LYZL6: variants seen among roughly 807,000 people sequenced by gnomAD.
LYZL6 encodes the protein lysozyme-like protein 6.
In LYZL6, 21 loss-of-function variants were observed where a neutral mutation model predicts 15.0. The ratio of observed to expected loss-of-function variants is 1.40; its 90% CI spans 1.00 to 2.02. The LOEUF is 2.02. Ranked by LOEUF, LYZL6 falls within the 30% of genes most tolerant of loss-of-function variation. The probability of loss-of-function intolerance (pLI) is 0.00; values close to 1 mark genes in which losing one functional copy is unlikely to be tolerated. For synonymous variants in LYZL6, 72 were observed against 67.8 expected (o/e 1.06, Z -0.31); for missense variants, 173 against 180.5 (o/e 0.96, Z 0.24).
intron 2 of LYZL6, among the ~76,000 whole-genome samples, 191 bp from the exon 3 acceptor site, chr17:35,938,107 A>G (rs1387934958): frequency 6.6e-6 from 1 of 152,142 alleles, no homozygotes; most frequent in East Asian, 1.9e-4. Flanking sequence ...TCATAAGTAC[A>G]ATTACTCATC....
At chr17:35,939,190 T>A in intron 2 of LYZL6, 28 bp downstream of exon 2, 6 of 1,604,144 alleles carry the variant, frequency 3.7e-6, no homozygotes, top group Non-Finnish European at 5.1e-6. Context: ...AGAGGAGAAA[T>A]GGCTGGGGAG....
At position 35,934,623 on chromosome 17, in the gene LYZL6, G is replaced by C. The variant is rs2089353258; in HGVS notation, c.*173C>G. On this transcript the variant is annotated 3_prime_UTR_variant, in exon 5 of 5. Transcript: ENST00000615905. ...GAACCAGGGGACTGGGTCCAGATGG[G>C]AGTAAGGAGGAAGCCAAGAAAACCA... is the stretch of plus-strand genomic sequence containing the variant. The C allele has an allele frequency of 5.0e-6, 3 of 599,330 alleles. No individual in the cohort carries two copies. Among genetic ancestry groups the C allele is most frequent in the Non-Finnish European group, 8.8e-6 (3 of 341,444 alleles). The allele number at this position is 599,330 out of a possible 1,614,324, so 37.1% of individuals were successfully genotyped here. A position where few individuals can be genotyped will look rare whatever the true frequency, so the allele number is the denominator to read the frequency against.
At chr17:35,936,688 G>A in intron 4 of LYZL6, 67 bp downstream of exon 4, 1 of 1,390,194 alleles carries the variant, frequency 7.2e-7, no homozygotes, top group Non-Finnish European at 1.0e-6. Context: ...CTTGCCTACT[G>A]CCCTTTTCTC....
Position 35,937,924 on chromosome 17 carries a change from T to G in LYZL6, c.140-8A>C, listed in dbSNP as rs1205309809. 2.5e-6 allele frequency: 4 copies of G among 1,611,848 alleles called. No homozygotes were observed. In the African/African-American group the frequency reaches 5.4e-5, roughly 22 times the overall value. On this transcript the variant is annotated splice_region_variant and splice_polypyrimidine_tract_variant and intron_variant, in intron 2 of 4. Coordinates refer to ENST00000615905, the MANE Select transcript of LYZL6 (RefSeq NM_020426.4). ...CAAAAGCCAGGCACAGCCCTTAGAG[T>G]AGGGAGAAGAAGGTCAGGATTTAGA...
chr17:35,936,958 T>C, intron 3 of LYZL6, 125 bp from the exon 4 acceptor site: 1 of 778,008 alleles, frequency 1.3e-6, no homozygotes, highest in Admixed American at 2.1e-5. Context: ...AAAGGCTGTC[T>C]CCCAGGGGGC....
intron 4 of LYZL6, 92 bp from the exon 5 acceptor site, chr17:35,934,957 A>G (rs1183655352): frequency 5.1e-5 from 61 of 1,192,284 alleles, no homozygotes; most frequent in Non-Finnish European, 6.0e-5. Flanking sequence ...ATATGGAGCA[A>G]CGCCCAGAAT....
chr17:35,937,924 T>C lies in LYZL6; in HGVS notation c.140-8A>G. 1.9e-6 allele frequency: 3 copies of C among 1,611,966 alleles called. No individual in the cohort carries two copies. The highest frequency in any genetic ancestry group is 2.5e-6 in the Non-Finnish European group (3 of 1,179,636). On this transcript the variant is annotated splice_region_variant and splice_polypyrimidine_tract_variant and intron_variant, in intron 2 of 4. Transcript: ENST00000615905. ...CAAAAGCCAGGCACAGCCCTTAGAG[T>C]AGGGAGAAGAAGGTCAGGATTTAGA...
In LYZL6 at chr17:35,936,752, C is replaced by T; in HGVS notation, c.377+3G>A. 1 of 1,613,186 alleles carries T rather than the reference C, an allele frequency of 6.2e-7. No individual in the cohort carries two copies. Among genetic ancestry groups the T allele is most frequent in the Non-Finnish European group, 8.5e-7 (1 of 1,179,890 alleles). On this transcript the variant is annotated splice_donor_region_variant and intron_variant, in intron 4 of 4. Transcript: ENST00000615905. ...CCGCTGAGTCCCACCGTGTCCTCCT[C>T]ACCAGTTGTTCATCCCCCGTGCTCC...
rs562972625 is a variant in LYZL6, at chr17:35,936,957, C to T, written c.299-124G>A. 3.4e-4 allele frequency: 267 copies of T among 785,404 alleles called. 4 individuals carry two copies. The South Asian group carries it at 3.5e-3, about 10-fold the overall frequency. The allele number at this position is 785,404 out of a possible 1,614,324, so 48.7% of individuals were successfully genotyped here. A position where few individuals can be genotyped will look rare whatever the true frequency, so the allele number is the denominator to read the frequency against. On this transcript the variant is annotated intron_variant, in intron 3 of 4. Transcript: ENST00000615905. ...GGCTTCCAGTTGAGGCAAAGGCTGT[C>T]TCCCAGGGGGCCCATTTAGACATCC...
chr17:35,936,913 C>T (rs1471393742), intron 3 of LYZL6, 80 bp from the exon 4 acceptor site: 1 of 1,240,116 alleles, frequency 8.1e-7, no homozygotes, highest in South Asian at 1.2e-5. Context: ...CCTCCCTGGA[C>T]AGCCCTATGC....
At chr17:35,941,239 A>G (rs1476482386) in intron 1 of LYZL6, among the ~76,000 whole-genome samples, 2 of 152,250 alleles carry the variant, frequency 1.3e-5, no homozygotes, top group Non-Finnish European at 2.9e-5. Flanking sequence ...TGCGTTTCCC[A>G]GATGGCTACG....
At chr17:35,943,045 T>TA (rs2089435739) in intron 1 of LYZL6, among the ~76,000 whole-genome samples, 1 of 148,750 alleles carries the variant, frequency 6.7e-6, no homozygotes, top group Admixed American at 6.8e-5. Context: ...TCCTCATGAA[T>TA]GCCCCTCTCT....
At chr17:35,935,844 C>T (rs1345976516) in intron 4 of LYZL6, among the ~76,000 whole-genome samples, 1 of 135,978 alleles carries the variant, frequency 7.4e-6, no homozygotes, top group Non-Finnish European at 1.6e-5. Flanking sequence ...AACAGAGTCT[C>T]ATTCTGCCGC....
At chr17:35,935,792 G>T (rs2089366229) in intron 4 of LYZL6, among the ~76,000 whole-genome samples, 1 of 150,946 alleles carries the variant, frequency 6.6e-6, no homozygotes, top group African/African-American at 2.4e-5. Context: ...GATTACAGGA[G>T]TGAGCCACTG....
At chr17:35,940,297 T>C (rs2089415844) in intron 1 of LYZL6, among the ~76,000 whole-genome samples, 1 of 152,148 alleles carries the variant, frequency 6.6e-6, no homozygotes, top group East Asian at 1.9e-4. Flanking sequence ...TTGGTTCACA[T>C]TCCACACAAA....
chr17:35,935,092 C>T (rs916992844), intron 4 of LYZL6, among the ~76,000 whole-genome samples: 2 of 151,824 alleles, frequency 1.3e-5, no homozygotes, highest in African/African-American at 2.4e-5. Context: ...TTTTAAAATC[C>T]TCATATCTCC....
At position 35,942,684 on chromosome 17, in the gene LYZL6, A is replaced by G. The variant is rs531102441; in HGVS notation, c.-203+883T>C. Among the ~76,000 whole-genome samples the G allele has an allele frequency of 2.6e-5, 4 of 152,328 alleles. No homozygotes were observed. In the East Asian group the frequency reaches 7.7e-4, roughly 29 times the overall value. On this transcript the variant is annotated intron_variant, in intron 1 of 4. Transcript: ENST00000615905. ...CTGAAAGAGCAAAGGGTAAAAACAGATAAGAGCTCAGGCACAGAAGGATGG... is the reference window on the plus strand; with the variant it reads ...CTGAAAGAGCAAAGGGTAAAAACAGGTAAGAGCTCAGGCACAGAAGGATGG...
intron 4 of LYZL6, among the ~76,000 whole-genome samples, chr17:35,935,146 T>TA (rs11347315): frequency 0.014 from 2,005 of 140,738 alleles, 14 homozygotes; most frequent in Non-Finnish European, 0.021. Context: ...AGTTACTTAT[T>TA]AAAAAAAAAA....
intron 1 of LYZL6, among the ~76,000 whole-genome samples, chr17:35,939,789 C>T (rs2089411158): frequency 6.6e-6 from 1 of 152,188 alleles, no homozygotes; most frequent in African/African-American, 2.4e-5. Flanking sequence ...TGAGCCACCA[C>T]ACCTGGCCAA....
Sources: gnomAD v4.1 joint callset for allele counts (sites outside exome capture counted in the v4.1 genomes callset) on GRCh38, gnomAD v4.1.1 for gene constraint, MANE v1.5 for transcripts, NCBI Gene and HGNC (gene_info 2026-07-23, HGNC 2026-07-21) for gene names.